KDM5B: variants seen among roughly 807,000 people sequenced by gnomAD.
KDM5B encodes lysine demethylase 5B.
Under a neutral mutation model 193.4 loss-of-function variants are expected in KDM5B, and 144 were observed. The ratio of observed to expected loss-of-function variants is 0.74; its 90% CI spans 0.65 to 0.86. The LOEUF is 0.86. Among genes scored for constraint, KDM5B ranks in the 40% least tolerant of loss-of-function variants. The pLI, the probability that KDM5B is intolerant of heterozygous loss-of-function variation, is 0.00. For missense variants in KDM5B, 1,833 were observed against 1,886.9 expected (o/e 0.97, Z 0.53); for synonymous variants, 668 against 682.6 (o/e 0.98, Z 0.33).
rs1416574985 is a variant in KDM5B at position 202,731,883 on chromosome 1, T to G, written c.3966A>C (p.Arg1322Ser). ...AGAAGGGGGAGTGCAAATATGAGGT[T>G]CTGTTGTCCCAGTCATCAGGCAAAG... ...SFSLPDDWDNRTSYLHSPFST... is the reference protein window; with the variant it reads ...SFSLPDDWDNSTSYLHSPFST... The change falls in exon 24 of 27, where the codon AGA becomes AGC. Residue 1322 changes from arginine (R) to serine (S), a missense_variant. This residue lies in a region of KDM5B where 1,379 missense variants were observed against 1,349.6 expected (regional missense o/e 1.02). Transcript: ENST00000367265. 2 of 1,613,734 alleles carry G rather than the reference T, an allele frequency of 1.2e-6. No homozygotes were observed. Among genetic ancestry groups the G allele is most frequent in the Non-Finnish European group, 1.7e-6 (2 of 1,179,860 alleles).
chr1:202,741,722 C>G lies in KDM5B; in HGVS notation c.2590G>C (p.Asp864His). 6.4e-7 allele frequency: 1 copy of G among 1,559,180 alleles called. No individual in the cohort carries two copies. Among genetic ancestry groups the G allele is most frequent in the Non-Finnish European group, 8.7e-7 (1 of 1,145,538 alleles). The part of the protein sequence containing the change: ...CVLSQTPLLK[D>H]LLNRVEDFQQ... The stretch of plus-strand genomic sequence containing the variant: ...AAATCTTCTACACGATTCAAGAGAT[C>G]CTAAAAAAAAATACACAGGTTGTTG... Residue 864 changes from aspartate (D) to histidine (H), a missense_variant and splice_region_variant, in exon 19 of 27, where the codon GAT becomes CAT. By Grantham distance (81) the Asp-to-His change is moderately conservative (BLOSUM62 -1). Transcript: ENST00000367265.
chr1:202,745,582 G>C (rs188745281), intron 16 of KDM5B, among the ~76,000 whole-genome samples: 15 of 152,052 alleles, frequency 9.9e-5, no homozygotes, highest in Admixed American at 3.3e-4. Flanking sequence ...TTATTTCTGA[G>C]ACAAAAATAA....
chr1:202,731,579 T>G (rs1443520107), intron 24 of KDM5B, among the ~76,000 whole-genome samples: 2 of 152,194 alleles, frequency 1.3e-5, no homozygotes, highest in East Asian at 3.8e-4. Flanking sequence ...AAGCTTGGTG[T>G]TTATCAGCTG....
At chr1:202,737,397 A>T (rs1655135737) in intron 20 of KDM5B, among the ~76,000 whole-genome samples, 1 of 152,190 alleles carries the variant, frequency 6.6e-6, no homozygotes, top group Admixed American at 6.5e-5. Flanking sequence ...GCCGATGCTA[A>T]TACTGCTGGT....
intron 11 of KDM5B, 71 bp downstream of exon 11, chr1:202,755,200 T>C (rs1655958316): frequency 8.5e-7 from 1 of 1,171,718 alleles, no homozygotes; most frequent in South Asian, 1.3e-5. Context: ...TTAAGACACA[T>C]CTGCACTGAA....
At chr1:202,750,057 A>G (rs1195845402) in intron 13 of KDM5B, among the ~76,000 whole-genome samples, 1 of 152,218 alleles carries the variant, frequency 6.6e-6, no homozygotes, top group East Asian at 1.9e-4. Context: ...TCAGTTTGCA[A>G]TGAGATACTG....
At position 202,789,846 on chromosome 1, in the gene KDM5B, G is replaced by A. The variant is rs114745799; in HGVS notation, c.205-12752C>T. Among the ~76,000 whole-genome samples, 1,398 of 152,060 alleles carry A rather than the reference G, an allele frequency of 9.2e-3. 19 individuals are homozygous for A. The highest frequency in any genetic ancestry group is 0.014 in the Non-Finnish European group (967 of 67,980). On this transcript the variant is annotated intron_variant, in intron 1 of 26. Transcript: ENST00000367265. ...AAACATTATCCAGACATATTGGCAC[G>A]TGCCTGTAGTCCCATCTACTGCAGT... is the stretch of plus-strand genomic sequence containing the variant.
chr1:202,732,053 A>C (rs1354527016), intron 23 of KDM5B, 114 bp from the exon 24 acceptor site: 7 of 671,464 alleles, frequency 1.0e-5, no homozygotes, highest in Non-Finnish European at 1.5e-5. Flanking sequence ...AAAAAAAAAA[A>C]AAAACAACTT....
intron 1 of KDM5B, among the ~76,000 whole-genome samples, chr1:202,807,621 C>A (rs1034733893): frequency 3.3e-5 from 5 of 151,820 alleles, no homozygotes; most frequent in African/African-American, 4.8e-5. Context: ...AACTTTCCTC[C>A]TCGCACGACA....
chr1:202,775,879 AATAT>A (rs1277889468), intron 2 of KDM5B, among the ~76,000 whole-genome samples: 951 of 93,058 alleles, frequency 0.01, 80 homozygotes, highest in African/African-American at 0.024. Flanking sequence ...AAAAAAAAAA[AATAT>A]ATATATATAT....
At chr1:202,779,786 G>C (rs553582289) in intron 1 of KDM5B, among the ~76,000 whole-genome samples, 94 of 149,934 alleles carry the variant, frequency 6.3e-4, no homozygotes, top group East Asian at 2.5e-3. Flanking sequence ...CTGGGCGACA[G>C]AGTCAGACTC....
chr1:202,740,612 G>A (rs1370164928), intron 20 of KDM5B, 62 bp downstream of exon 20: 2 of 1,491,132 alleles, frequency 1.3e-6, no homozygotes, highest in Non-Finnish European at 1.8e-6. Context: ...TCCCGGACGG[G>A]GCGCCAATAT....
chr1:202,786,606 A>C (rs1032905602), intron 1 of KDM5B, among the ~76,000 whole-genome samples: 1 of 152,236 alleles, frequency 6.6e-6, no homozygotes, highest in African/African-American at 2.4e-5. Context: ...TTTCTTTTGC[A>C]CCAACCTAAT....
Position 202,742,759 on chromosome 1 carries a change from T to A in KDM5B, c.2370A>T (p.Lys790Asn), listed in dbSNP as rs1289309455. ...KALIEESEMKKFPDNDLLRHL... is the reference protein window; with the variant it reads ...KALIEESEMKNFPDNDLLRHL... ...GTCGCAAAAGATCATTGTCTGGGAA[T>A]TTCTTCATTTCAGATTCTTCAATTA... is the stretch of plus-strand genomic sequence containing the variant. Residue 790 changes from lysine (K) to asparagine (N), a missense_variant, in exon 17 of 27, where the codon AAA becomes AAT. Transcript: ENST00000367265. 3 of 1,614,086 alleles carry A rather than the reference T, an allele frequency of 1.9e-6. No individual in the cohort carries two copies. Among genetic ancestry groups the A allele is most frequent in the Non-Finnish European group, 2.5e-6 (3 of 1,180,020 alleles).
At chr1:202,799,403 C>T (rs887852037) in intron 1 of KDM5B, among the ~76,000 whole-genome samples, 18 of 152,110 alleles carry the variant, frequency 1.2e-4, no homozygotes, top group African/African-American at 3.9e-4. Flanking sequence ...CCTGTAATCC[C>T]AGCACTTTGG....
intron 1 of KDM5B, among the ~76,000 whole-genome samples, chr1:202,802,809 C>CT (rs1219352995): frequency 2.0e-5 from 3 of 152,212 alleles, no homozygotes; most frequent in Admixed American, 6.5e-5. Context: ...CTCTAATACT[C>CT]TAAGTCTAGG....
chr1:202,732,041 G>GTAA, intron 23 of KDM5B, 102 bp from the exon 24 acceptor site: 2 of 548,200 alleles, frequency 3.6e-6, no homozygotes, highest in Non-Finnish European at 6.1e-6. Flanking sequence ...GGCAACCAGG[G>GTAA]GAAAAAAAAA....
chr1:202,781,464 A>G (rs1018113018), intron 1 of KDM5B, among the ~76,000 whole-genome samples: 3 of 152,232 alleles, frequency 2.0e-5, no homozygotes, highest in Admixed American at 6.5e-5. Flanking sequence ...TTTTATGGTT[A>G]ATGTTTTAAA....
chr1:202,766,274 G>A (rs1393988151), intron 5 of KDM5B: 1 of 243,936 alleles, frequency 4.1e-6, no homozygotes, highest in Admixed American at 5.3e-5. Flanking sequence ...GGGAGGCCAA[G>A]ATGGGTGGAT....
Sources: gnomAD v4.1 joint callset for allele counts (sites outside exome capture counted in the v4.1 genomes callset) on GRCh38, gnomAD v4.1.1 for gene constraint, gnomAD v4.1.1 regional missense constraint, MANE v1.5 for transcripts, NCBI Gene and HGNC (gene_info 2026-07-23, HGNC 2026-07-21) for gene names.